The following HACE1 variants were observed in gnomAD, a reference collection of about 807,000 sequenced individuals.
The protein encoded by HACE1 is HECT domain and ankyrin repeat containing E3 ubiquitin protein ligase 1, also known as E3 ubiquitin-protein ligase HACE1.
Under a neutral mutation model 118.4 loss-of-function variants are expected in HACE1, and 73 were observed. That is an observed-to-expected ratio of 0.62 (90% CI 0.51 to 0.75). The LOEUF is 0.75. Ranked by LOEUF, HACE1 falls within the 30% of genes least tolerant of loss-of-function variation. The probability of loss-of-function intolerance (pLI) is 0.00; values close to 1 mark genes in which losing one functional copy is unlikely to be tolerated. For missense variants in HACE1, 749 were observed against 1,102.2 expected (o/e 0.68, Z 4.54); for synonymous variants, 368 against 374.8 (o/e 0.98, Z 0.21).
At chr6:104,762,366 G>A (rs974663407) in intron 19 of HACE1, among the ~76,000 whole-genome samples, 1 of 152,180 alleles carries the variant, frequency 6.6e-6, no homozygotes, top group African/African-American at 2.4e-5. Context: ...ATACTATGCA[G>A]CCATAAAAAA....
chr6:104,847,428 A>C (rs1775766891), intron 4 of HACE1, among the ~76,000 whole-genome samples: 1 of 152,240 alleles, frequency 6.6e-6, no homozygotes, highest in Non-Finnish European at 1.5e-5. Flanking sequence ...ACACATTACA[A>C]GATATCTAAC....
At chr6:104,775,900 A>C (rs1781182981) in intron 17 of HACE1, among the ~76,000 whole-genome samples, 1 of 152,150 alleles carries the variant, frequency 6.6e-6, no homozygotes, top group South Asian at 2.1e-4. Flanking sequence ...TCCTGATAAA[A>C]GAATGTAAAC....
intron 20 of HACE1, among the ~76,000 whole-genome samples, chr6:104,747,125 A>G (rs1395887295): frequency 6.6e-6 from 1 of 152,154 alleles, no homozygotes; most frequent in East Asian, 1.9e-4. Flanking sequence ...TTAAGCCCCA[A>G]TCAATTTTTT....
chr6:104,852,195 C>CTGTG (rs201776642), intron 2 of HACE1, 122 bp downstream of exon 2: 31,134 of 547,858 alleles, frequency 0.057, 514 homozygotes, highest in East Asian at 0.067. Flanking sequence ...TATGTCCAAA[C>CTGTG]TGTCTGTGTG....
In HACE1 at chr6:104,831,998, GGA is replaced by G. The variant is rs1582692193; in HGVS notation, c.534+1042_534+1043del. Among the ~76,000 whole-genome samples the G allele has an allele frequency of 4.3e-5, 6 of 140,450 alleles. No homozygotes were observed. The East Asian group carries it at 1.0e-3, about 24-fold the overall frequency. 92.1% of individuals were successfully genotyped at this position (140,450 alleles called of 152,430 possible). A position where few individuals can be genotyped will look rare whatever the true frequency, so the allele number is the denominator to read the frequency against. ...GAGAAGAGAGGAAGGAAGGAAGGAA[GGA>G]AGGAAGGAAGGAAGGAAGGAAGGAA... is the stretch of plus-strand genomic sequence containing the variant. On this transcript the variant is annotated intron_variant, in intron 6 of 23. Transcript: ENST00000262903.
At chr6:104,735,977 CA>C (rs1366941296) in intron 22 of HACE1, among the ~76,000 whole-genome samples, 1 of 151,478 alleles carries the variant, frequency 6.6e-6, no homozygotes, top group African/African-American at 2.4e-5. Context: ...TATAAAATAA[CA>C]ATAGTTTTAA....
chr6:104,794,924 A>ATGTG (rs982379676), intron 10 of HACE1, among the ~76,000 whole-genome samples: 3 of 151,130 alleles, frequency 2.0e-5, no homozygotes, highest in Non-Finnish European at 4.4e-5. Context: ...AATTGTATAT[A>ATGTG]TGTGTGTGTG....
intron 6 of HACE1, among the ~76,000 whole-genome samples, chr6:104,831,988 A>AAGAGAAGAGAAGAGAAGAGAAGAG (rs1562471383): frequency 3.7e-4 from 20 of 53,868 alleles, no homozygotes; most frequent in South Asian, 2.4e-3. Flanking sequence ...GAGAGGAAGG[A>AAGAGAAGAGAAGAGAAGAGAAGAG]AGGAAGGAAG....
intron 5 of HACE1, among the ~76,000 whole-genome samples, chr6:104,839,293 A>G (rs1774857177): frequency 6.6e-6 from 1 of 152,234 alleles, no homozygotes; most frequent in South Asian, 2.1e-4. Context: ...ACAGGTGAAC[A>G]GTCCAACAAA....
chr6:104,758,753 G>A (rs1779000515), intron 19 of HACE1, among the ~76,000 whole-genome samples: 1 of 152,036 alleles, frequency 6.6e-6, no homozygotes, highest in African/African-American at 2.4e-5. Flanking sequence ...ACACAGACTG[G>A]CAAATTGGAT....
intron 19 of HACE1, among the ~76,000 whole-genome samples, chr6:104,757,728 T>C (rs543213001): frequency 1.1e-4 from 17 of 152,314 alleles, no homozygotes; most frequent in South Asian, 4.1e-4. Context: ...CTTCAGAAGG[T>C]TGGTAATAAC....
intron 19 of HACE1, among the ~76,000 whole-genome samples, chr6:104,761,969 T>C (rs189112837): frequency 8.4e-4 from 128 of 152,278 alleles, no homozygotes; most frequent in African/African-American, 3.0e-3. Flanking sequence ...CACTGGTCAT[T>C]AGAGAAATGC....
intron 1 of HACE1, among the ~76,000 whole-genome samples, chr6:104,852,821 T>C (rs112935756): frequency 2.6e-5 from 4 of 152,300 alleles, no homozygotes; most frequent in African/African-American, 7.2e-5. Flanking sequence ...TAAATATATA[T>C]GGATATTAAA....
At position 104,815,811 on chromosome 6, in the gene HACE1, G is replaced by A. The variant is rs1171051030; in HGVS notation, c.535-4418C>T. ...CAGAGGGCCAGGCACAGTGGCTCACGCCTGTAATCCCAGCACTTTGGGAGG... is the reference window on the plus strand; with the variant it reads ...CAGAGGGCCAGGCACAGTGGCTCACACCTGTAATCCCAGCACTTTGGGAGG... On this transcript the variant is annotated intron_variant, in intron 6 of 23. Coordinates refer to ENST00000262903, the MANE Select transcript of HACE1 (RefSeq NM_020771.4). Among the ~76,000 whole-genome samples the A allele has an allele frequency of 3.5e-5, 4 of 115,320 alleles. 1 individual carries two copies. Among genetic ancestry groups the A allele is most frequent in the African/African-American group, 1.5e-4 (4 of 26,904 alleles). The allele number at this position is 115,320 out of a possible 152,430, so 75.7% of individuals were successfully genotyped here. A position where few individuals can be genotyped will look rare whatever the true frequency, so the allele number is the denominator to read the frequency against.
intron 19 of HACE1, among the ~76,000 whole-genome samples, chr6:104,765,132 T>C (rs144670690): frequency 5.3e-5 from 8 of 152,362 alleles, no homozygotes; most frequent in Non-Finnish European, 1.2e-4. Context: ...GGAAAATACA[T>C]GGCAAACACA....
At chr6:104,776,973 T>C in intron 16 of HACE1, 40 bp downstream of exon 16, 1 of 1,373,066 alleles carries the variant, frequency 7.3e-7, no homozygotes, top group South Asian at 1.2e-5. Context: ...AATCTTTCTT[T>C]ACATACAGTG....
chr6:104,855,439 T>C (rs1776624776), intron 1 of HACE1, among the ~76,000 whole-genome samples: 1 of 150,714 alleles, frequency 6.6e-6, no homozygotes. Context: ...CGAGACTCCA[T>C]CTCGGAAAAA....
intron 6 of HACE1, among the ~76,000 whole-genome samples, chr6:104,811,843 T>C (rs911470806): frequency 1.3e-5 from 2 of 152,038 alleles, no homozygotes; most frequent in Admixed American, 6.6e-5. Context: ...TACCAGAATT[T>C]TTCACCTCTA....
At chr6:104,793,903 CT>C (rs746388579) in intron 10 of HACE1, among the ~76,000 whole-genome samples, 3 of 152,196 alleles carry the variant, frequency 2.0e-5, no homozygotes, top group Non-Finnish European at 4.4e-5. Flanking sequence ...CTATAAAGCA[CT>C]TGGAAGGTAG....
Sources: gnomAD v4.1 joint callset for allele counts (sites outside exome capture counted in the v4.1 genomes callset) on GRCh38, gnomAD v4.1.1 for gene constraint, MANE v1.5 for transcripts, NCBI Gene and HGNC (gene_info 2026-07-23, HGNC 2026-07-21) for gene names.